The following NFATC2 variants were observed in gnomAD, a reference collection of about 807,000 sequenced individuals.
The protein encoded by NFATC2 is nuclear factor of activated T-cells, cytoplasmic 2.
In NFATC2, 22 loss-of-function variants were observed where a neutral mutation model predicts 87.3. That is an observed-to-expected ratio of 0.25 (90% CI 0.18 to 0.36). The LOEUF is 0.36. Ranked by LOEUF, NFATC2 falls within the 10% of genes least tolerant of loss-of-function variation. The pLI, the probability that NFATC2 is intolerant of heterozygous loss-of-function variation, is 1.00. For missense variants in NFATC2, 1,149 were observed against 1,259.1 expected, an observed-to-expected ratio of 0.91 and a Z score of 1.32; for synonymous variants, 565 against 542.2, an observed-to-expected ratio of 1.04 and a Z score of -0.58.
intron 1 of NFATC2, among the ~76,000 whole-genome samples, chr20:51,554,091 G>A (rs6013212): frequency 0.85 from 129,826 of 151,866 alleles, 55,734 homozygotes; most frequent in Middle Eastern, 0.93. Context: ...AGAGGTACCC[G>A]TCATCAGCTC....
intron 8 of NFATC2, among the ~76,000 whole-genome samples, chr20:51,433,529 T>C (rs560442214): frequency 6.6e-6 from 1 of 152,218 alleles, no homozygotes; most frequent in Non-Finnish European, 1.5e-5. Flanking sequence ...GCTATTCTCT[T>C]ACTATGATCA....
intron 3 of NFATC2, among the ~76,000 whole-genome samples, chr20:51,511,772 T>C (rs2076275204): frequency 6.6e-6 from 1 of 152,252 alleles, no homozygotes; most frequent in South Asian, 2.1e-4. Flanking sequence ...CCCTGCTTCT[T>C]CCGTAACTTC....
Position 51,551,853 on chromosome 20 carries a change from CA to C in NFATC2, c.70+10706del, listed in dbSNP as rs368516563. Among the ~76,000 whole-genome samples the C allele has an allele frequency of 4.0e-4, 61 of 151,672 alleles. No individual in the cohort carries two copies. In the East Asian group the frequency reaches 9.7e-3, roughly 24 times the overall value. On this transcript the variant is annotated intron_variant, in intron 1 of 10. Coordinates refer to the NFATC2 transcript ENST00000414705. ...CCATCCTGGCTAACATGGTGAAACC[CA>C]ATCTCTACTAAAAATACAAAAAGTT...
chr20:51,412,411 T>A (rs920347470), intron 9 of NFATC2, among the ~76,000 whole-genome samples: 1 of 152,200 alleles, frequency 6.6e-6, no homozygotes, highest in African/African-American at 2.4e-5. Context: ...GAAACTAGCA[T>A]GCTGAGAGCT....
At chr20:51,461,509 G>T (rs980072778) in intron 5 of NFATC2, among the ~76,000 whole-genome samples, 3 of 152,140 alleles carry the variant, frequency 2.0e-5, no homozygotes, top group Non-Finnish European at 2.9e-5. Flanking sequence ...AAGTGGCTTG[G>T]GGGGGCTCTT....
chr20:51,481,990 C>T (rs909006240), intron 3 of NFATC2, among the ~76,000 whole-genome samples: 10 of 152,130 alleles, frequency 6.6e-5, no homozygotes, highest in African/African-American at 2.2e-4. Flanking sequence ...TGAGGCTCAA[C>T]CAGGTTAACT....
intron 3 of NFATC2, among the ~76,000 whole-genome samples, chr20:51,488,328 A>C (rs1324023276): frequency 6.6e-6 from 1 of 152,238 alleles, no homozygotes; most frequent in Non-Finnish European, 1.5e-5. Flanking sequence ...GTAAGAAACC[A>C]GTAAATCAGG....
chr20:51,436,693 C>A (rs191368791), intron 6 of NFATC2, among the ~76,000 whole-genome samples: 4 of 150,430 alleles, frequency 2.7e-5, no homozygotes, highest in East Asian at 1.9e-4. Context: ...CCAGACTGGG[C>A]GACAGAGTGA....
chr20:51,523,755 G>C lies in NFATC2; in HGVS notation c.486C>G (p.Arg162=), dbSNP rs777838356. The C allele has an allele frequency of 6.2e-7, 1 of 1,610,546 alleles. No individual in the cohort carries two copies. The highest frequency in any genetic ancestry group is 8.5e-7 in the Non-Finnish European group (1 of 1,178,296). ...TLPVPGFEGY[R]EPLCLSPASS... ...TAGCGGGGCTCAAGCAAAGCGGCTCGCGGTAGCCCTCGAAGCCGGGCACGG... is the reference window on the plus strand; with the variant it reads ...TAGCGGGGCTCAAGCAAAGCGGCTCCCGGTAGCCCTCGAAGCCGGGCACGG... The change falls in exon 2 of 11, where the codon CGC becomes CGG. Residue 162 remains arginine (R), a synonymous_variant. Coordinates refer to ENST00000371564, the MANE Select transcript of NFATC2 (RefSeq NM_012340.5). This position sits in a 1 kb window ranked among gnomAD's most constrained non-coding sequence, Gnocchi z 6.9.
upstream of NFATC2, chr20:51,542,749 C>CA (rs1555819083): frequency 2.5e-4 from 1 of 3,968 alleles, no homozygotes; most frequent in Non-Finnish European, 4.7e-4. Flanking sequence ...CCCGGGGAGG[C>CA]GGGGGGGGGG....
At chr20:51,468,847 C>A (rs1206220420) in intron 5 of NFATC2, among the ~76,000 whole-genome samples, 5 of 152,106 alleles carry the variant, frequency 3.3e-5, no homozygotes, top group Non-Finnish European at 1.5e-5. Context: ...TAAACAGGGG[C>A]CTTGGATGAG....
intron 9 of NFATC2, among the ~76,000 whole-genome samples, chr20:51,418,657 TGG>T (rs58298830): frequency 0.018 from 2,599 of 147,926 alleles, 84 homozygotes; most frequent in African/African-American, 0.064. Flanking sequence ...GTTGTTTGTT[TGG>T]TTTTTTTTTT....
chr20:51,440,053 A>G (rs988260333), intron 6 of NFATC2, among the ~76,000 whole-genome samples: 1 of 152,166 alleles, frequency 6.6e-6, no homozygotes, highest in African/African-American at 2.4e-5. Context: ...CCAGGCCAAC[A>G]TGGTAAAACC....
intron 3 of NFATC2, among the ~76,000 whole-genome samples, chr20:51,506,303 AAGCCATTG>A (rs2076178276): frequency 6.6e-6 from 1 of 152,230 alleles, no homozygotes; most frequent in African/African-American, 2.4e-5. Flanking sequence ...ATGCCTGCCC[AAGCCATTG>A]AGCCATTCCA....
upstream of NFATC2, among the ~76,000 whole-genome samples, chr20:51,544,648 C>T (rs2076874613): frequency 6.6e-6 from 1 of 152,120 alleles, no homozygotes; most frequent in Admixed American, 6.6e-5. Context: ...CAAAATTGCA[C>T]TCAGACCAGT....
chr20:51,496,964 C>A (rs906186494), intron 3 of NFATC2, among the ~76,000 whole-genome samples: 1 of 152,220 alleles, frequency 6.6e-6, no homozygotes, highest in Non-Finnish European at 1.5e-5. Context: ...CCCTGGAAGG[C>A]CCCAGGCAGG....
chr20:51,477,580 TAA>T (rs548899918), intron 3 of NFATC2, among the ~76,000 whole-genome samples: 26 of 69,984 alleles, frequency 3.7e-4, no homozygotes, highest in African/African-American at 7.7e-4. Context: ...TATATATATA[TAA>T]AATAACAAGA....
intron 3 of NFATC2, among the ~76,000 whole-genome samples, chr20:51,492,176 A>C (rs777692875): frequency 8.9e-4 from 135 of 151,984 alleles, no homozygotes; most frequent in Admixed American, 2.1e-3. Context: ...CTCATCTTTA[A>C]ATCCCATCAC....
At chr20:51,476,541 C>CT (rs1988733903) in intron 3 of NFATC2, among the ~76,000 whole-genome samples, 1 of 152,268 alleles carries the variant, frequency 6.6e-6, no homozygotes, top group South Asian at 2.1e-4. Context: ...CTCTCTCCTA[C>CT]TTTTTATCCA....
Sources: allele counts gnomAD v4.1 joint callset (sites outside exome capture counted in the v4.1 genomes callset), GRCh38; gene constraint gnomAD v4.1.1; non-coding constraint Gnocchi (gnomAD v3.1); transcripts MANE v1.5; gene names NCBI Gene and HGNC (gene_info 2026-07-23, HGNC 2026-07-21).